Variants in ZKSCAN3 observed in about 807,000 individuals in gnomAD.
ZKSCAN3 encodes zinc finger with KRAB and SCAN domains 3, also known as zinc finger protein with KRAB and SCAN domains 3.
Under a neutral mutation model 30.7 loss-of-function variants are expected in ZKSCAN3, and 21 were observed. The observed-to-expected ratio is 0.68, with a 90% CI of 0.49 to 0.99. The LOEUF is 0.99. Among genes scored for constraint, ZKSCAN3 ranks in the 50% least tolerant of loss-of-function variants. The pLI is 0.00. For synonymous variants in ZKSCAN3, 201 were observed against 246.7 expected (o/e 0.81, Z 1.73); for missense variants, 507 against 647.1 (o/e 0.78, Z 2.35).
chr6:28,360,200 C>T, intron 2 of ZKSCAN3: 1 of 837,534 alleles, frequency 1.2e-6, no homozygotes, highest in East Asian at 2.7e-5. Flanking sequence ...CAAAAGAACG[C>T]AGTCATATCA....
chr6:28,365,829 G>C lies in ZKSCAN3; in HGVS notation c.1161G>C (p.Lys387Asn). The C allele has an allele frequency of 6.2e-7, 1 of 1,614,160 alleles. No homozygotes were observed. Among genetic ancestry groups the C allele is most frequent in the Non-Finnish European group, 8.5e-7 (1 of 1,180,016 alleles). Residue 387 changes from lysine to asparagine, a missense_variant, in exon 6 of 6, where the codon AAG (lysine) becomes AAC (asparagine). Physicochemically the swap from Lys to Asn is moderately conservative, Grantham distance 94. Transcript: ENST00000252211. ...TCAGTCATAGCTCAGACCTTATCAA[G>C]CATCAGAGAACCCACACTGGGGAGA... ...KAFSHSSDLI[K>N]HQRTHTGEKP...
chr6:28,352,964 C>CT (rs5875156), intron 1 of ZKSCAN3, among the ~76,000 whole-genome samples: 3,344 of 129,872 alleles, frequency 0.026, 118 homozygotes, highest in East Asian at 0.19. Context: ...TTTTCTTTTT[C>CT]TTTTTTTTTT....
In ZKSCAN3 at chr6:28,366,753, G is replaced by GA. The variant is rs1378898584; in HGVS notation, c.*469dup. 2 of 153,278 alleles carry GA rather than the reference G, an allele frequency of 1.3e-5. No individual in the cohort carries two copies. Among genetic ancestry groups the GA allele is most frequent in the African/African-American group, 4.8e-5 (2 of 41,466 alleles). 9.5% of individuals were successfully genotyped at this position (153,278 alleles called of 1,614,324 possible). A position where few individuals can be genotyped will look rare whatever the true frequency, so the allele number is the denominator to read the frequency against. ...ATAAATGTTTATTGAATGTACCAGT[G>GA]AGATTACCTTCATAGATCTGAAAAT... On this transcript the variant is annotated 3_prime_UTR_variant, in exon 6 of 6. Coordinates refer to ENST00000252211, the MANE Select transcript of ZKSCAN3 (RefSeq NM_024493.4).
At chr6:28,361,590 T>G in intron 3 of ZKSCAN3, 119 bp downstream of exon 3, 1 of 1,145,574 alleles carries the variant, frequency 8.7e-7, no homozygotes, top group Non-Finnish European at 1.2e-6. Context: ...AACTCTCATT[T>G]AAGACTGAGA....
chr6:28,358,533 T>C (rs1182207272), intron 1 of ZKSCAN3, among the ~76,000 whole-genome samples: 2 of 152,072 alleles, frequency 1.3e-5, no homozygotes, highest in African/African-American at 4.8e-5. Context: ...CCCACAGATA[T>C]AGAATCAACT....
rs1467515597 is a variant in ZKSCAN3 at position 28,351,849 on chromosome 6, G to A, written c.-63+1782G>A. On this transcript the variant is annotated intron_variant, in intron 1 of 5. Transcript: ENST00000252211. The surrounding 1 kb of genome is among the most constrained non-coding windows in gnomAD (Gnocchi z 4.6). ...TTCACTCACAAGTACAAGTACTTCA[G>A]TGTCAATTTCTTATATACAGGGACT... is the stretch of plus-strand genomic sequence containing the variant. 6.6e-6 allele frequency among the ~76,000 whole-genome samples: 1 copy of A among 151,946 alleles called. No individual in the cohort carries two copies. Among genetic ancestry groups the A allele is most frequent in the African/African-American group, 2.4e-5 (1 of 41,320 alleles).
At chr6:28,353,718 C>T (rs766209574) in intron 1 of ZKSCAN3, 3 of 414,336 alleles carry the variant, frequency 7.2e-6, no homozygotes. Context: ...AAGTTAAAAC[C>T]TTGCGAGTGA....
intron 2 of ZKSCAN3, chr6:28,360,593 T>G: frequency 1.0e-6 from 1 of 977,518 alleles, no homozygotes; most frequent in Non-Finnish European, 1.2e-6. Context: ...TGTTCTTCCC[T>G]GTTTTATGAG....
At chr6:28,361,655 C>T (rs779484223) in intron 3 of ZKSCAN3, among the ~76,000 whole-genome samples, 184 bp downstream of exon 3, 4 of 151,838 alleles carry the variant, frequency 2.6e-5, no homozygotes, top group Non-Finnish European at 5.9e-5. Flanking sequence ...CAAGACTGGA[C>T]ATAGTAAATA....
At chr6:28,354,017 C>G (rs1765246798) in intron 1 of ZKSCAN3, 4 of 449,586 alleles carry the variant, frequency 8.9e-6, no homozygotes, top group Non-Finnish European at 1.8e-5. Context: ...CTGTCTGCCT[C>G]TGTCTCGGCT....
chr6:28,355,161 C>T (rs1349906231), intron 1 of ZKSCAN3, among the ~76,000 whole-genome samples: 1 of 152,134 alleles, frequency 6.6e-6, no homozygotes, highest in Admixed American at 6.5e-5. Context: ...ATAACCTTAT[C>T]TTGCATTAGG....
chr6:28,362,187 G>A (rs919030956), intron 3 of ZKSCAN3, among the ~76,000 whole-genome samples: 12 of 152,198 alleles, frequency 7.9e-5, no homozygotes, highest in African/African-American at 2.9e-4. Context: ...GAATGGAACT[G>A]TGAGTGAAAC....
At position 28,349,959 on chromosome 6, in the gene ZKSCAN3, C is replaced by G. The variant is rs995720702; in HGVS notation, c.-171C>G. ...CTGCGGGTGGTTTGCTAGTTTCAAG[C>G]ACTTTGTGAGTATGGGGTGAATCGG... On this transcript the variant is annotated 5_prime_UTR_variant, in exon 1 of 6. Transcript: ENST00000252211. The surrounding 1 kb of genome is among the most constrained non-coding windows in gnomAD (Gnocchi z 4.1). 1.3e-5 allele frequency: 2 copies of G among 152,224 alleles called. No individual in the cohort carries two copies. The highest frequency in any genetic ancestry group is 4.8e-5 in the African/African-American group (2 of 41,462). 9.4% of individuals were successfully genotyped at this position (152,224 alleles called of 1,614,324 possible).
chr6:28,356,603 A>C (rs1230170440), intron 1 of ZKSCAN3, among the ~76,000 whole-genome samples: 1 of 152,214 alleles, frequency 6.6e-6, no homozygotes, highest in Non-Finnish European at 1.5e-5. Context: ...CTGGCAGACC[A>C]CTGGGTGAGC....
chr6:28,360,691 A>T, intron 2 of ZKSCAN3: 4 of 985,464 alleles, frequency 4.1e-6, no homozygotes, highest in Non-Finnish European at 3.6e-6. Context: ...GGTGAGCTGG[A>T]TACCAGGGTT....
At chr6:28,353,690 T>C (rs1043836272) in intron 1 of ZKSCAN3, among the ~76,000 whole-genome samples, 3 of 151,896 alleles carry the variant, frequency 2.0e-5, no homozygotes, top group East Asian at 3.9e-4. Flanking sequence ...GGATCAGGAG[T>C]CTACAGCCTA....
At position 28,357,016 on chromosome 6, in the gene ZKSCAN3, T is replaced by A. The variant is rs1041980658; in HGVS notation, c.-62-2509T>A. ...GGAAGAACACTCGAGAGACAGCAGG[T>A]AGATGGGACATGGCTTTACTCAGCA... On this transcript the variant is annotated intron_variant, in intron 1 of 5. Coordinates refer to ENST00000252211, the MANE Select transcript of ZKSCAN3 (RefSeq NM_024493.4). Among the ~76,000 whole-genome samples the A allele has an allele frequency of 5.3e-5, 8 of 152,194 alleles. No homozygotes were observed. The East Asian group carries it at 1.5e-3, about 29-fold the overall frequency.
At position 28,358,208 on chromosome 6, in the gene ZKSCAN3, G is replaced by A. The variant is rs566725314; in HGVS notation, c.-62-1317G>A. Among the ~76,000 whole-genome samples the A allele has an allele frequency of 4.6e-5, 7 of 152,096 alleles. No individual in the cohort carries two copies. In the East Asian group the frequency reaches 1.2e-3, roughly 25 times the overall value. The stretch of plus-strand genomic sequence containing the variant: ...TCCTGTATGTTTTTTTTAAGAGATG[G>A]AGTCTCTGCACTGTTGCCTAGGCTG... On this transcript the variant is annotated intron_variant, in intron 1 of 5. Coordinates refer to ENST00000252211, the MANE Select transcript of ZKSCAN3 (RefSeq NM_024493.4).
At position 28,366,021 on chromosome 6, in the gene ZKSCAN3, T is replaced by C; in HGVS notation, c.1353T>C (p.Asp451=). 6.2e-7 allele frequency: 1 copy of C among 1,613,086 alleles called. No individual in the cohort carries two copies. The highest frequency in any genetic ancestry group is 1.1e-5 in the South Asian group (1 of 90,912). ...LLRHQRIHTG[D]KNVQEPEQGE... ...GACATCAGAGGATCCATACTGGGGA[T>C]AAAAATGTTCAGGAACCTGAGCAGG... is the stretch of plus-strand genomic sequence containing the variant. The change falls in exon 6 of 6, where the codon GAT becomes GAC. Residue 451 remains aspartate (D), a synonymous_variant. Coordinates refer to ENST00000252211, the MANE Select transcript of ZKSCAN3 (RefSeq NM_024493.4).
Sources: allele counts gnomAD v4.1 joint callset (sites outside exome capture counted in the v4.1 genomes callset), GRCh38; gene constraint gnomAD v4.1.1; non-coding constraint Gnocchi (gnomAD v3.1); transcripts MANE v1.5; gene names NCBI Gene and HGNC (gene_info 2026-07-23, HGNC 2026-07-21).